CNTNAP2: variants seen among roughly 807,000 people sequenced by gnomAD.
CNTNAP2 encodes contactin associated protein 2, also known as contactin-associated protein-like 2.
In CNTNAP2, 98 loss-of-function variants were observed where a neutral mutation model predicts 155.2. The observed-to-expected ratio is 0.63, with a 90% CI of 0.54 to 0.75. The LOEUF is 0.75. Ranked by LOEUF, CNTNAP2 falls within the 30% of genes least tolerant of loss-of-function variation. CNTNAP2 has a pLI of 0.00. For synonymous variants in CNTNAP2, 651 were observed against 631.2 expected, an observed-to-expected ratio of 1.03 and a Z score of -0.47; for missense variants, 1,727 against 1,688.1, an observed-to-expected ratio of 1.02 and a Z score of -0.40.
chr7:146,161,815 T>A (rs1314556705), intron 1 of CNTNAP2, among the ~76,000 whole-genome samples: 1 of 152,052 alleles, frequency 6.6e-6, no homozygotes, highest in Non-Finnish European at 1.5e-5. Flanking sequence ...AAAACAGAGA[T>A]ATAGACCAAT....
At chr7:148,032,377 T>G (rs1802493873) in intron 15 of CNTNAP2, among the ~76,000 whole-genome samples, 1 of 152,044 alleles carries the variant, frequency 6.6e-6, no homozygotes, top group Non-Finnish European at 1.5e-5. Flanking sequence ...ATCACATCAG[T>G]GTGTGTGCAA....
At chr7:148,355,663 A>G (rs1798501500) in intron 21 of CNTNAP2, among the ~76,000 whole-genome samples, 1 of 152,234 alleles carries the variant, frequency 6.6e-6, no homozygotes, top group Non-Finnish European at 1.5e-5. Flanking sequence ...AGCGGCTGAC[A>G]CGTGTGAATC....
chr7:146,569,708 A>G (rs1238922054), intron 1 of CNTNAP2, among the ~76,000 whole-genome samples: 1 of 152,208 alleles, frequency 6.6e-6, no homozygotes, highest in Non-Finnish European at 1.5e-5. Flanking sequence ...GGCAAAAAGC[A>G]TGTGTGCTGC....
At chr7:148,395,400 C>T (rs1799446902) in intron 22 of CNTNAP2, among the ~76,000 whole-genome samples, 1 of 152,096 alleles carries the variant, frequency 6.6e-6, no homozygotes, top group African/African-American at 2.4e-5. Flanking sequence ...TCTGCTGCCC[C>T]AGCCCCGCCT....
At chr7:146,939,206 G>A (rs1045900810) in intron 3 of CNTNAP2, among the ~76,000 whole-genome samples, 9 of 152,036 alleles carry the variant, frequency 5.9e-5, no homozygotes, top group Non-Finnish European at 4.4e-5. Flanking sequence ...CTAAGCAAGC[G>A]GCAGTCTACA....
intron 5 of CNTNAP2, among the ~76,000 whole-genome samples, chr7:147,111,536 A>AT (rs1001130842): frequency 1.3e-5 from 2 of 152,060 alleles, no homozygotes; most frequent in Admixed American, 6.6e-5. Flanking sequence ...TTTTGAATTG[A>AT]TTTTTTTGTA....
intron 13 of CNTNAP2, among the ~76,000 whole-genome samples, chr7:147,835,176 G>T (rs185415778): frequency 6.6e-6 from 1 of 152,084 alleles, no homozygotes; most frequent in Non-Finnish European, 1.5e-5. Flanking sequence ...GTCAGGGAAG[G>T]CCCCACCACC....
At chr7:147,317,800 A>ATATATATGTG (rs57686568) in intron 9 of CNTNAP2, among the ~76,000 whole-genome samples, 64,902 of 147,970 alleles carry the variant, frequency 0.44, 14,679 homozygotes, top group East Asian at 0.71. Flanking sequence ...GTGTGTGTGT[A>ATATATATGTG]TATGTATATA....
At chr7:146,607,759 T>G (rs1250729243) in intron 1 of CNTNAP2, among the ~76,000 whole-genome samples, 1 of 152,294 alleles carries the variant, frequency 6.6e-6, no homozygotes, top group Middle Eastern at 3.4e-3. Context: ...ATTACAAACA[T>G]GAGCCACCGG....
At chr7:148,058,270 G>A (rs141632336) in intron 15 of CNTNAP2, among the ~76,000 whole-genome samples, 1 of 152,088 alleles carries the variant, frequency 6.6e-6, no homozygotes, top group Admixed American at 6.5e-5. Flanking sequence ...TCAAAGCTCA[G>A]ACTCTCCCAG....
At chr7:146,484,089 T>A (rs1797020401) in intron 1 of CNTNAP2, among the ~76,000 whole-genome samples, 1 of 152,218 alleles carries the variant, frequency 6.6e-6, no homozygotes, top group Admixed American at 6.5e-5. Context: ...ATTTTTATGT[T>A]TATATATCTT....
intron 13 of CNTNAP2, among the ~76,000 whole-genome samples, chr7:147,787,774 A>G (rs1797761339): frequency 6.6e-6 from 1 of 152,240 alleles, no homozygotes; most frequent in South Asian, 2.1e-4. Flanking sequence ...ACATTAGGCA[A>G]TAATGAGAGC....
chr7:146,622,131 A>C (rs201254937), intron 1 of CNTNAP2, among the ~76,000 whole-genome samples: 4 of 23,388 alleles, frequency 1.7e-4, no homozygotes, highest in African/African-American at 1.2e-3. Flanking sequence ...ATGTATGTGT[A>C]TATATATATA....
intron 1 of CNTNAP2, among the ~76,000 whole-genome samples, chr7:146,490,800 G>C (rs1269043972): frequency 6.6e-6 from 1 of 152,070 alleles, no homozygotes; most frequent in African/African-American, 2.4e-5. Flanking sequence ...CTAGACCTCA[G>C]TATCCACTTT....
chr7:146,940,367 T>G (rs1256554091), intron 3 of CNTNAP2, among the ~76,000 whole-genome samples: 3 of 152,014 alleles, frequency 2.0e-5, no homozygotes, highest in Non-Finnish European at 4.4e-5. Flanking sequence ...CAGCTAATTT[T>G]TTGTATTTTA....
At chr7:146,768,414 C>T (rs1802235639) in intron 1 of CNTNAP2, among the ~76,000 whole-genome samples, 1 of 149,010 alleles carries the variant, frequency 6.7e-6, no homozygotes, top group South Asian at 2.1e-4. Flanking sequence ...ATGTTGTGTG[C>T]CCCCCCACAT....
intron 3 of CNTNAP2, among the ~76,000 whole-genome samples, chr7:146,927,568 C>T (rs922563464): frequency 3.3e-5 from 5 of 152,028 alleles, no homozygotes; most frequent in African/African-American, 1.2e-4. Context: ...ATACAATATA[C>T]AATTTGTATA....
At position 146,516,867 on chromosome 7, in the gene CNTNAP2, G is replaced by A. The variant is rs146376242; in HGVS notation, c.98-257404G>A. ...CAGTGCCCCAAAACGAAACTCCTTC[G>A]CAAAATCTTTCTTGCAGTGAAAATA... On this transcript the variant is annotated intron_variant, in intron 1 of 23. Transcript: ENST00000361727. Among the ~76,000 whole-genome samples the A allele has an allele frequency of 2.7e-3, 408 of 151,938 alleles. 2 individuals carry two copies. The highest frequency in any genetic ancestry group is 6.8e-3 in the Middle Eastern group (2 of 294).
chr7:148,097,140 C>T (rs1332180614), intron 15 of CNTNAP2, among the ~76,000 whole-genome samples: 1 of 152,018 alleles, frequency 6.6e-6, no homozygotes, highest in African/African-American at 2.4e-5. Flanking sequence ...ACCCTTCCCA[C>T]GTGGTCCGTG....
Sources: gnomAD v4.1 joint callset for allele counts (sites outside exome capture counted in the v4.1 genomes callset) on GRCh38, gnomAD v4.1.1 for gene constraint, MANE v1.5 for transcripts, NCBI Gene and HGNC (gene_info 2026-07-23, HGNC 2026-07-21) for gene names.